The following ADGRL3 variants were observed in gnomAD, a reference collection of about 807,000 sequenced individuals.
ADGRL3 encodes the protein calcium-independent alpha-latrotoxin receptor 3.
Under a neutral mutation model 153.5 loss-of-function variants are expected in ADGRL3, and 62 were observed. The observed-to-expected ratio is 0.40, with a 90% CI of 0.33 to 0.50. The LOEUF (loss-of-function observed/expected upper bound fraction) is 0.50, where lower values mean the gene tolerates loss of function less well. Ranked by LOEUF, ADGRL3 falls within the 20% of genes least tolerant of loss-of-function variation. The pLI, the probability that ADGRL3 is intolerant of heterozygous loss-of-function variation, is 0.47. For missense variants in ADGRL3, 1,641 were observed against 1,859.4 expected (o/e 0.88, Z 2.16); for synonymous variants, 710 against 672.5 (o/e 1.06, Z -0.86).
intron 3 of ADGRL3, among the ~76,000 whole-genome samples, chr4:61,511,845 A>G (rs1222048353): frequency 1.3e-5 from 2 of 152,218 alleles, no homozygotes; most frequent in Non-Finnish European, 2.9e-5. Context: ...TGCAATTTCT[A>G]CATGATGGCA....
chr4:61,295,167 G>A (rs926864170), intron 1 of ADGRL3, among the ~76,000 whole-genome samples: 3 of 151,856 alleles, frequency 2.0e-5, no homozygotes, highest in Non-Finnish European at 4.4e-5. Context: ...CCATCCTTCC[G>A]TCACTTAGTG....
intron 17 of ADGRL3, among the ~76,000 whole-genome samples, chr4:61,979,351 CTGAA>C (rs1335546802): frequency 1.3e-5 from 2 of 152,184 alleles, no homozygotes; most frequent in African/African-American, 4.8e-5. Context: ...ATTGGCGTCT[CTGAA>C]TATCAAACTG....
chr4:61,679,935 G>A (rs985993941), intron 6 of ADGRL3, among the ~76,000 whole-genome samples: 3 of 151,902 alleles, frequency 2.0e-5, no homozygotes, highest in African/African-American at 7.3e-5. Context: ...GGCCCAAGTC[G>A]TTTTTCTTAG....
chr4:61,743,551 T>C (rs1306900859), intron 8 of ADGRL3, among the ~76,000 whole-genome samples: 2 of 152,192 alleles, frequency 1.3e-5, no homozygotes, highest in Non-Finnish European at 2.9e-5. Context: ...TGAAATAGAT[T>C]ATTTTTAAAA....
chr4:61,740,132 G>A (rs1227869950), intron 8 of ADGRL3, among the ~76,000 whole-genome samples: 1 of 151,946 alleles, frequency 6.6e-6, no homozygotes, highest in African/African-American at 2.4e-5. Context: ...GTTTTTTCTG[G>A]GCAGAGCACC....
intron 1 of ADGRL3, among the ~76,000 whole-genome samples, chr4:61,300,745 GT>G (rs1334814281): frequency 4.7e-5 from 7 of 148,930 alleles, no homozygotes; most frequent in African/African-American, 1.7e-4. Flanking sequence ...TTAAGAATGA[GT>G]TTTGTTTTCT....
At chr4:61,700,160 A>C (rs1197699262) in intron 6 of ADGRL3, among the ~76,000 whole-genome samples, 1 of 152,182 alleles carries the variant, frequency 6.6e-6, no homozygotes, top group Non-Finnish European at 1.5e-5. Flanking sequence ...ATTATTTCCT[A>C]AACACTACAC....
intron 25 of ADGRL3, among the ~76,000 whole-genome samples, chr4:62,051,184 A>G (rs1733995186): frequency 7.1e-6 from 1 of 140,628 alleles, no homozygotes; most frequent in Non-Finnish European, 1.5e-5. Flanking sequence ...ATATATATAT[A>G]TATATACATA....
intron 1 of ADGRL3, among the ~76,000 whole-genome samples, chr4:61,342,618 A>G (rs970483230): frequency 5.3e-5 from 8 of 152,078 alleles, no homozygotes; most frequent in African/African-American, 1.4e-4. Context: ...GACTCTTGCC[A>G]TCTGGCTCTC....
chr4:62,023,945 G>T (rs1381757011), intron 21 of ADGRL3, among the ~76,000 whole-genome samples: 1 of 151,654 alleles, frequency 6.6e-6, no homozygotes, highest in African/African-American at 2.4e-5. Flanking sequence ...TGATAGAGAG[G>T]GATACTGAAT....
At chr4:61,496,538 A>C (rs578100081) in intron 2 of ADGRL3, among the ~76,000 whole-genome samples, 1 of 152,176 alleles carries the variant, frequency 6.6e-6, no homozygotes, top group South Asian at 2.1e-4. Context: ...GCTACCCGGG[A>C]GGCTGAGGCA....
intron 5 of ADGRL3, among the ~76,000 whole-genome samples, chr4:61,595,074 C>T (rs558795555): frequency 5.3e-5 from 8 of 152,296 alleles, no homozygotes; most frequent in African/African-American, 1.9e-4. Context: ...AGTGTATTGC[C>T]TTCTGGCCTA....
chr4:61,677,345 C>T (rs1261909274), intron 6 of ADGRL3: 2 of 382,238 alleles, frequency 5.2e-6, no homozygotes, highest in Non-Finnish European at 9.9e-6. Context: ...TAAGCTTCAT[C>T]TGCTGTCAAC....
intron 17 of ADGRL3, among the ~76,000 whole-genome samples, chr4:61,964,900 G>C: frequency 6.6e-6 from 1 of 151,888 alleles, no homozygotes; most frequent in East Asian, 1.9e-4. Flanking sequence ...ACTGTTCTTG[G>C]TAAGAACTAG....
chr4:61,608,221 C>T (rs1020070011), intron 5 of ADGRL3, among the ~76,000 whole-genome samples: 1 of 152,204 alleles, frequency 6.6e-6, no homozygotes, highest in Non-Finnish European at 1.5e-5. Flanking sequence ...ACTTTTCATA[C>T]TCCCAATCTT....
chr4:61,334,300 G>C (rs1439289443), intron 1 of ADGRL3, among the ~76,000 whole-genome samples: 1 of 152,068 alleles, frequency 6.6e-6, no homozygotes, highest in Non-Finnish European at 1.5e-5. Flanking sequence ...AGATTTACCA[G>C]GGCATTTGAT....
intron 1 of ADGRL3, among the ~76,000 whole-genome samples, chr4:61,226,598 C>T (rs185692989): frequency 3.9e-4 from 60 of 152,220 alleles, no homozygotes; most frequent in Admixed American, 2.0e-3. Flanking sequence ...CAAAGGTCAG[C>T]AATCTCTGAA....
At chr4:61,429,197 A>G (rs2152400211) in intron 2 of ADGRL3, among the ~76,000 whole-genome samples, 1 of 152,294 alleles carries the variant, frequency 6.6e-6, no homozygotes, top group Non-Finnish European at 1.5e-5. Flanking sequence ...TTGAGAAATT[A>G]GAGACAGTGA....
At chr4:61,588,914 G>A (rs1444220491) in intron 5 of ADGRL3, among the ~76,000 whole-genome samples, 1 of 151,972 alleles carries the variant, frequency 6.6e-6, no homozygotes, top group Non-Finnish European at 1.5e-5. Flanking sequence ...AGTTGAGAAG[G>A]AAATTCTGCC....
Sources: allele counts gnomAD v4.1 joint callset (sites outside exome capture counted in the v4.1 genomes callset), GRCh38; gene constraint gnomAD v4.1.1; transcripts MANE v1.5; gene names NCBI Gene and HGNC (gene_info 2026-07-23, HGNC 2026-07-21).